Variants in MEGF11 observed in about 807,000 individuals in gnomAD.
MEGF11 encodes the protein multiple EGF like domains 11.
Under a neutral mutation model 146.6 loss-of-function variants are expected in MEGF11, and 126 were observed. The ratio of observed to expected loss-of-function variants is 0.86; its 90% confidence interval spans 0.74 to 1.00. The LOEUF (loss-of-function observed/expected upper bound fraction) is 1.00, where lower values mean the gene tolerates loss of function less well. MEGF11 is among the 50% of genes least tolerant of loss of function. MEGF11 has a pLI of 0.00. For missense variants in MEGF11, 1,509 were observed against 1,521.2 expected (o/e 0.99, Z 0.13); for synonymous variants, 532 against 583.4 (o/e 0.91, Z 1.27).
intron 25 of MEGF11, 169 bp downstream of exon 25, chr15:65,898,559 A>C (rs759939535): frequency 2.0e-6 from 2 of 985,256 alleles, no homozygotes; most frequent in Non-Finnish European, 1.2e-6. Context: ...GACTTCCTGC[A>C]TTAGCTAGGA....
At chr15:66,020,267 C>A (rs1157642315) in intron 5 of MEGF11, among the ~76,000 whole-genome samples, 2 of 152,228 alleles carry the variant, frequency 1.3e-5, no homozygotes, top group Non-Finnish European at 2.9e-5. Context: ...GTGTTCTCTT[C>A]CATTTGGGCT....
intron 5 of MEGF11, among the ~76,000 whole-genome samples, chr15:66,022,397 T>A (rs1455091022): frequency 6.6e-6 from 1 of 152,244 alleles, no homozygotes; most frequent in Non-Finnish European, 1.5e-5. Flanking sequence ...CAGACGTTTT[T>A]AAGAATCTGA....
chr15:66,174,670 C>G (rs2090347247), intron 1 of MEGF11, among the ~76,000 whole-genome samples: 1 of 151,654 alleles, frequency 6.6e-6, no homozygotes, highest in Admixed American at 6.6e-5. Context: ...GGGAAGAAGC[C>G]CAGCCCAGCC....
intron 1 of MEGF11, among the ~76,000 whole-genome samples, chr15:66,250,912 AG>A (rs1280981102): frequency 4.6e-5 from 7 of 152,130 alleles, no homozygotes; most frequent in African/African-American, 4.8e-5. Flanking sequence ...CAAAAAAAAA[AG>A]AATGAAAAAA....
At chr15:66,218,979 C>CAAAAAAAGAAAAAAAAAAA (rs2091658758) in intron 1 of MEGF11, among the ~76,000 whole-genome samples, 1 of 86,942 alleles carries the variant, frequency 1.2e-5, no homozygotes, top group African/African-American at 6.3e-5. Flanking sequence ...TATCCACAGG[C>CAAAAAAAGAAAAAAAAAAA]AAAAAAAAAA....
intron 5 of MEGF11, among the ~76,000 whole-genome samples, chr15:66,069,538 C>G: frequency 6.6e-6 from 1 of 152,188 alleles, no homozygotes; most frequent in Non-Finnish European, 1.5e-5. Flanking sequence ...GGTCATATTA[C>G]TTGGCCCAAG....
At chr15:66,068,444 C>A (rs1032703942) in intron 5 of MEGF11, among the ~76,000 whole-genome samples, 1 of 152,192 alleles carries the variant, frequency 6.6e-6, no homozygotes, top group Non-Finnish European at 1.5e-5. Context: ...CCAAAAATAT[C>A]TCCAGACATT....
At chr15:65,979,324 G>C (rs1236603723) in intron 7 of MEGF11, among the ~76,000 whole-genome samples, 7 of 152,110 alleles carry the variant, frequency 4.6e-5, no homozygotes, top group Non-Finnish European at 8.8e-5. Flanking sequence ...TGGATACTGT[G>C]GGACCAAGTG....
intron 6 of MEGF11, among the ~76,000 whole-genome samples, chr15:65,981,170 G>C (rs746806191): frequency 3.0e-4 from 45 of 152,182 alleles, no homozygotes; most frequent in African/African-American, 9.2e-4. Flanking sequence ...GCTGAGGAAG[G>C]CTTCCCAAGG....
chr15:66,202,344 A>G (rs2091184555), intron 1 of MEGF11, among the ~76,000 whole-genome samples: 1 of 152,194 alleles, frequency 6.6e-6, no homozygotes, highest in South Asian at 2.1e-4. Context: ...ACAATGAAAT[A>G]TTTAATGGCA....
chr15:66,074,710 C>A (rs2085505055), intron 5 of MEGF11, among the ~76,000 whole-genome samples: 1 of 152,194 alleles, frequency 6.6e-6, no homozygotes, highest in Non-Finnish European at 1.5e-5. Context: ...GTATTATCTC[C>A]AGCTTTATTT....
At chr15:66,028,682 G>A (rs565578450) in intron 5 of MEGF11, among the ~76,000 whole-genome samples, 12 of 152,236 alleles carry the variant, frequency 7.9e-5, no homozygotes, top group African/African-American at 2.4e-4. Flanking sequence ...GTAAATTATG[G>A]TATATAAACC....
At chr15:65,970,820 G>A in intron 7 of MEGF11, 131 bp from the exon 8 acceptor site, 1 of 1,048,734 alleles carries the variant, frequency 9.5e-7, no homozygotes, top group Non-Finnish European at 1.4e-6. Context: ...TGGACACCAG[G>A]GCTCCAAAGC....
chr15:66,056,736 G>A (rs1461927740), intron 5 of MEGF11, among the ~76,000 whole-genome samples: 1 of 152,208 alleles, frequency 6.6e-6, no homozygotes, highest in Non-Finnish European at 1.5e-5. Flanking sequence ...GGAGGCTGGA[G>A]CTCAAGACTT....
At chr15:66,098,948 C>G (rs2086663506) in intron 4 of MEGF11, among the ~76,000 whole-genome samples, 1 of 152,194 alleles carries the variant, frequency 6.6e-6, no homozygotes, top group African/African-American at 2.4e-5. Context: ...CCTCCATAGC[C>G]AGGAAGAATA....
chr15:66,073,307 G>A (rs2140484519), intron 5 of MEGF11, among the ~76,000 whole-genome samples: 1 of 152,336 alleles, frequency 6.6e-6, no homozygotes. Context: ...CCTTGCTGAG[G>A]ATGGGCGGTG....
chr15:65,990,731 GAAAGAAAA>G (rs1447884286), intron 5 of MEGF11, among the ~76,000 whole-genome samples: 1 of 151,032 alleles, frequency 6.6e-6, no homozygotes, highest in Non-Finnish European at 1.5e-5. Flanking sequence ...AAGAAAGAAA[GAAAGAAAA>G]AGAAAGAAAC....
intron 15 of MEGF11, among the ~76,000 whole-genome samples, chr15:65,919,263 C>CT (rs1471749128): frequency 8.3e-4 from 127 of 152,318 alleles, no homozygotes. Flanking sequence ...GGATTTAGGT[C>CT]TAAGTTTTCT....
chr15:65,903,218 C>T (rs929645746), intron 24 of MEGF11, among the ~76,000 whole-genome samples: 4 of 152,152 alleles, frequency 2.6e-5, no homozygotes, highest in South Asian at 2.1e-4. Context: ...TAGATGGGAA[C>T]GAGCACACAG....
Sources: gnomAD v4.1 joint callset for allele counts (sites outside exome capture counted in the v4.1 genomes callset) on GRCh38, gnomAD v4.1.1 for gene constraint, MANE v1.5 for transcripts, NCBI Gene and HGNC (gene_info 2026-07-23, HGNC 2026-07-21) for gene names.